HSPA12A: variants seen among roughly 807,000 people sequenced by gnomAD.
HSPA12A encodes the protein heat shock protein family A (Hsp70) member 12A.
A neutral mutation model predicts 69.2 loss-of-function variants in HSPA12A; 28 were observed. That is an observed-to-expected ratio of 0.40 (90% CI 0.30 to 0.55). HSPA12A has a LOEUF of 0.55. Ranked by LOEUF, HSPA12A falls within the 20% of genes least tolerant of loss-of-function variation. The probability of loss-of-function intolerance (pLI) is 0.38; values close to 1 mark genes in which losing one functional copy is unlikely to be tolerated. For synonymous variants in HSPA12A, 345 were observed against 370.5 expected (o/e 0.93, Z 0.79); for missense variants, 686 against 900.7 (o/e 0.76, Z 3.05).
chr10:116,779,831 T>A (rs1844423518), intron 2 of HSPA12A, among the ~76,000 whole-genome samples: 1 of 151,996 alleles, frequency 6.6e-6, no homozygotes. Context: ...GGGGACGGGA[T>A]TCCTAAGGGC....
intron 1 of HSPA12A, among the ~76,000 whole-genome samples, chr10:116,725,299 A>C (rs1388472484): frequency 4.6e-5 from 7 of 152,168 alleles, no homozygotes; most frequent in African/African-American, 1.7e-4. Context: ...GCCACCCTGT[A>C]GGGTGGGGAG....
intron 1 of HSPA12A, among the ~76,000 whole-genome samples, chr10:116,847,438 G>C (rs1393287726): frequency 5.9e-5 from 9 of 152,030 alleles, no homozygotes; most frequent in Admixed American, 5.9e-4. Context: ...CTTATTTCTT[G>C]CCCTTCCTAT....
intron 1 of HSPA12A, among the ~76,000 whole-genome samples, chr10:116,712,810 C>T (rs1482705060): frequency 6.6e-6 from 1 of 151,606 alleles, no homozygotes; most frequent in Non-Finnish European, 1.5e-5. Flanking sequence ...CTTTATTCTA[C>T]AAGGTTCTAG....
intron 2 of HSPA12A, among the ~76,000 whole-genome samples, chr10:116,815,951 T>C (rs746075991): frequency 2.0e-5 from 3 of 152,182 alleles, no homozygotes; most frequent in Non-Finnish European, 2.9e-5. Flanking sequence ...GGGCTGTGGA[T>C]TGGAACAAAT....
chr10:116,700,128 G>A (rs187519448), intron 4 of HSPA12A, among the ~76,000 whole-genome samples: 221 of 152,316 alleles, frequency 1.5e-3, no homozygotes, highest in African/African-American at 5.1e-3. Flanking sequence ...AACAAGGCAG[G>A]GAGGGGTTAC....
At chr10:116,725,769 A>G (rs1210257560) in intron 1 of HSPA12A, among the ~76,000 whole-genome samples, 1 of 151,892 alleles carries the variant, frequency 6.6e-6, no homozygotes, top group Non-Finnish European at 1.5e-5. Context: ...TTCTGTGTTT[A>G]TGTTTTGCAG....
chr10:116,711,507 T>C (rs1850426498), intron 1 of HSPA12A, among the ~76,000 whole-genome samples: 1 of 152,128 alleles, frequency 6.6e-6, no homozygotes, highest in Non-Finnish European at 1.5e-5. Context: ...CTAGGAGTTT[T>C]AAGAAATACC....
At chr10:116,770,241 T>C (rs1334041641) in intron 2 of HSPA12A, among the ~76,000 whole-genome samples, 1 of 152,106 alleles carries the variant, frequency 6.6e-6, no homozygotes, top group Non-Finnish European at 1.5e-5. Flanking sequence ...GGCTCTTGAA[T>C]GATTACCAAG....
intron 1 of HSPA12A, among the ~76,000 whole-genome samples, chr10:116,842,020 C>T (rs1845809594): frequency 6.6e-6 from 1 of 152,160 alleles, no homozygotes; most frequent in South Asian, 2.1e-4. Context: ...AGATTCATAA[C>T]CAGGCCTGTA....
At chr10:116,752,610 G>T (rs1851798624) in intron 2 of HSPA12A, among the ~76,000 whole-genome samples, 1 of 152,180 alleles carries the variant, frequency 6.6e-6, no homozygotes, top group African/African-American at 2.4e-5. Context: ...AAATTTACAA[G>T]AAAATTTCAC....
At chr10:116,831,219 ATTGAC>A (rs1845607567) in intron 2 of HSPA12A, 1 of 152,228 alleles carries the variant, frequency 6.6e-6, no homozygotes, top group African/African-American at 2.4e-5. Context: ...TATTGTTGTC[ATTGAC>A]AAGAACATCA....
chr10:116,754,348 C>A (rs1843782106), intron 2 of HSPA12A, among the ~76,000 whole-genome samples: 1 of 152,152 alleles, frequency 6.6e-6, no homozygotes, highest in African/African-American at 2.4e-5. Flanking sequence ...GTATTTCATC[C>A]CCCAAAAGAT....
intron 1 of HSPA12A, among the ~76,000 whole-genome samples, chr10:116,738,306 T>A (rs1851375747): frequency 6.6e-6 from 1 of 152,172 alleles, no homozygotes. Flanking sequence ...TCTGCTGTGT[T>A]CCCTCATGTC....
At chr10:116,781,953 C>T (rs2133136729) in intron 2 of HSPA12A, among the ~76,000 whole-genome samples, 4 of 152,272 alleles carry the variant, frequency 2.6e-5, no homozygotes, top group Non-Finnish European at 4.4e-5. Flanking sequence ...AAGGAAGTCT[C>T]AAACTGGGAG....
At position 116,679,523 on chromosome 10, in the gene HSPA12A, C is replaced by A. The variant is rs993435166; in HGVS notation, c.1266G>T (p.Glu422Asp). Residue 422 changes from glutamate to aspartate, a missense_variant, in exon 10 of 12, where the codon GAG (glutamate) becomes GAT (aspartate). Physicochemically the swap from Glu to Asp is conservative, Grantham distance 45. Transcript: ENST00000369209. ...YYKKFRGHSV[E>D]HALRKSNVDF... ...CTCACTTGCTTTTCCGCAAGGCGTGCTCCACACTGTGCCCGCGGAACTTCT... is the reference window on the plus strand; with the variant it reads ...CTCACTTGCTTTTCCGCAAGGCGTGATCCACACTGTGCCCGCGGAACTTCT... 3.7e-6 allele frequency: 6 copies of A among 1,614,034 alleles called. No individual in the cohort carries two copies. Among genetic ancestry groups the A allele is most frequent in the Non-Finnish European group, 5.1e-6 (6 of 1,180,034 alleles).
chr10:116,726,561 T>C (rs1850969044), intron 1 of HSPA12A, among the ~76,000 whole-genome samples: 1 of 152,064 alleles, frequency 6.6e-6, no homozygotes, highest in South Asian at 2.1e-4. Flanking sequence ...TTGGTGTCCT[T>C]GGGTAGACCA....
chr10:116,681,253 T>A lies in HSPA12A; in HGVS notation c.926A>T (p.Asp309Val). 6.2e-7 allele frequency: 1 copy of A among 1,613,590 alleles called. No individual in the cohort carries two copies. The highest frequency in any genetic ancestry group is 1.1e-5 in the South Asian group (1 of 91,066). Reference sequence around the variant, plus strand: ...GCCACTGTCCACAACCACATACTTATCACCTGGCACAAAAACAGCCATCTT... The same window carrying A: ...GCCACTGTCCACAACCACATACTTAACACCTGGCACAAAAACAGCCATCTT... ...GEIWSELEEG[D>V]KYVVVDSGGG... Residue 309 changes from aspartate (D) to valine (V), a missense_variant, in exon 9 of 12, where the codon GAT becomes GTT. Transcript: ENST00000369209.
intron 2 of HSPA12A, among the ~76,000 whole-genome samples, chr10:116,795,096 C>T (rs1844788689): frequency 6.6e-6 from 1 of 151,968 alleles, no homozygotes; most frequent in South Asian, 2.1e-4. Context: ...TAAATAAAAG[C>T]AAAATAAACC....
chr10:116,675,349 G>A lies in HSPA12A; in HGVS notation c.1460C>T (p.Ala487Val), dbSNP rs782144407. Residue 487 changes from alanine to valine, a missense_variant, in exon 12 of 12, where the codon GCG becomes GTG. Physicochemically the swap from Ala to Val is moderately conservative, Grantham distance 64. Transcript: ENST00000369209. This position sits in a 1 kb window ranked among gnomAD's most constrained non-coding sequence, Gnocchi z 5.2. ...CTGCACCGCCTGCTGCAGCAGGGGC[G>A]CCTCGGCAAAGCCGCCCACCAGAAA... is the stretch of plus-strand genomic sequence containing the variant. Reference protein sequence around the residue: ...FLFLVGGFAEAPLLQQAVQAA... With the variant: ...FLFLVGGFAEVPLLQQAVQAA... The A allele has an allele frequency of 5.6e-6, 9 of 1,612,256 alleles. No individual in the cohort carries two copies. The highest frequency in any genetic ancestry group is 3.3e-5 in the Admixed American group (2 of 59,878).
Sources: gnomAD v4.1 joint callset for allele counts (sites outside exome capture counted in the v4.1 genomes callset) on GRCh38, gnomAD v4.1.1 for gene constraint, Gnocchi (gnomAD v3.1) non-coding constraint, MANE v1.5 for transcripts, NCBI Gene and HGNC (gene_info 2026-07-23, HGNC 2026-07-21) for gene names.